TRPS1: variants seen among roughly 807,000 people sequenced by gnomAD.
The protein encoded by TRPS1 is zinc finger transcription factor Trps1.
Under a neutral mutation model 101.2 loss-of-function variants are expected in TRPS1, and 6 were observed. That is an observed-to-expected ratio of 0.06 (90% confidence interval 0.03 to 0.12). The LOEUF is 0.12. TRPS1 is among the 10% of genes least tolerant of loss of function. TRPS1 has a pLI of 1.00. For synonymous variants in TRPS1, 578 were observed against 589.8 expected, an observed-to-expected ratio of 0.98 and a Z score of 0.29; for missense variants, 1,363 against 1,567.0, an observed-to-expected ratio of 0.87 and a Z score of 2.20.
chr8:115,468,338 G>C (rs1348505505), intron 5 of TRPS1, among the ~76,000 whole-genome samples: 1 of 152,068 alleles, frequency 6.6e-6, no homozygotes, highest in Non-Finnish European at 1.5e-5. Flanking sequence ...ATTTTAAGAG[G>C]GAGAAATGCT....
At chr8:115,497,810 T>A (rs950744049) in intron 5 of TRPS1, among the ~76,000 whole-genome samples, 1 of 152,170 alleles carries the variant, frequency 6.6e-6, no homozygotes, top group Non-Finnish European at 1.5e-5. Context: ...ATTGTTCATA[T>A]GCCTGGGTTT....
At chr8:115,514,992 C>T (rs1815675792) in intron 5 of TRPS1, among the ~76,000 whole-genome samples, 1 of 151,462 alleles carries the variant, frequency 6.6e-6, no homozygotes, top group African/African-American at 2.4e-5. Context: ...CAACCTAAGA[C>T]TAGAAAGGAA....
chr8:115,608,270 A>G (rs1290909906), intron 3 of TRPS1, among the ~76,000 whole-genome samples: 1 of 152,208 alleles, frequency 6.6e-6, no homozygotes, highest in African/African-American at 2.4e-5. Context: ...TGGTAAAGAC[A>G]TCCAAATTTT....
At chr8:115,524,146 T>C (rs1040862208) in intron 5 of TRPS1, among the ~76,000 whole-genome samples, 1 of 152,034 alleles carries the variant, frequency 6.6e-6, no homozygotes, top group African/African-American at 2.4e-5. Flanking sequence ...GTGTTTTACT[T>C]CCCCATCTAG....
intron 5 of TRPS1, among the ~76,000 whole-genome samples, chr8:115,579,649 T>C (rs553454830): frequency 1.3e-5 from 2 of 152,232 alleles, no homozygotes; most frequent in Non-Finnish European, 2.9e-5. Flanking sequence ...ATAAAGTGTA[T>C]TTTGCCTTTA....
intron 5 of TRPS1, among the ~76,000 whole-genome samples, chr8:115,533,149 A>T (rs1816175940): frequency 6.6e-6 from 1 of 152,158 alleles, no homozygotes; most frequent in African/African-American, 2.4e-5. Context: ...AATATGAGAG[A>T]GTAAATTCTA....
At chr8:115,624,436 C>A (rs1818461834) in intron 1 of TRPS1, among the ~76,000 whole-genome samples, 1 of 151,812 alleles carries the variant, frequency 6.6e-6, no homozygotes, top group Admixed American at 6.6e-5. Flanking sequence ...AGTGAGCAGG[C>A]CTACATTACA....
chr8:115,614,877 C>A (rs1818243534), intron 3 of TRPS1, among the ~76,000 whole-genome samples: 1 of 151,616 alleles, frequency 6.6e-6, no homozygotes, highest in Admixed American at 6.6e-5. Context: ...TTTTTTCAAA[C>A]CAAACTGTAA....
At position 115,414,188 on chromosome 8, in the gene TRPS1, T is replaced by C; in HGVS notation, c.3720A>G (p.Glu1240=). 6.2e-7 allele frequency: 1 copy of C among 1,614,068 alleles called. No homozygotes were observed. Among genetic ancestry groups the C allele is most frequent in the Middle Eastern group, 1.6e-4 (1 of 6,062 alleles). ...CVHCGIVFLD[E]VMYALHMSCH... ...AACTCATATGCAAAGCATACATCAC[T>C]TCATCCAGAAAGACAATGCCACAGT... is the stretch of plus-strand genomic sequence containing the variant. Residue 1240 remains glutamate, a synonymous_variant, in exon 7 of 7, where the codon GAA becomes GAG. Transcript: ENST00000395715. This position sits in a 1 kb window ranked among gnomAD's most constrained non-coding sequence, Gnocchi z 4.8.
chr8:115,513,052 A>G (rs1030755636), intron 5 of TRPS1, among the ~76,000 whole-genome samples: 2 of 151,800 alleles, frequency 1.3e-5, no homozygotes, highest in Admixed American at 6.6e-5. Context: ...CTGTTACAAA[A>G]ATATTTTCAA....
intron 3 of TRPS1, among the ~76,000 whole-genome samples, chr8:115,609,023 T>A (rs1439435811): frequency 6.6e-6 from 1 of 152,026 alleles, no homozygotes; most frequent in Admixed American, 6.6e-5. Flanking sequence ...ATTTTTGTAT[T>A]TTTTGTGGAA....
chr8:115,554,906 AG>A (rs1043946967), intron 5 of TRPS1, among the ~76,000 whole-genome samples: 1 of 152,080 alleles, frequency 6.6e-6, no homozygotes, highest in African/African-American at 2.4e-5. Context: ...AGAAGGACAA[AG>A]GGAAGAACAG....
chr8:115,483,405 C>T (rs530006346), intron 5 of TRPS1, among the ~76,000 whole-genome samples: 1 of 151,868 alleles, frequency 6.6e-6, no homozygotes, highest in Admixed American at 6.6e-5. Context: ...TGGTGGCATG[C>T]ACCTGTGTTC....
intron 5 of TRPS1, among the ~76,000 whole-genome samples, chr8:115,507,395 T>C (rs1815472527): frequency 1.3e-5 from 2 of 152,128 alleles, no homozygotes; most frequent in Admixed American, 6.6e-5. Context: ...CTGCCAATTC[T>C]GGTTGTCTAA....
chr8:115,474,153 A>T (rs577199155), intron 5 of TRPS1, among the ~76,000 whole-genome samples: 1 of 152,296 alleles, frequency 6.6e-6, no homozygotes, highest in South Asian at 2.1e-4. Flanking sequence ...AATGCAGGGA[A>T]TTTAGAGTCA....
In TRPS1 at chr8:115,411,953, G is replaced by A. The variant is rs1812799964; in HGVS notation, c.*2070C>T. On this transcript the variant is annotated 3_prime_UTR_variant, in exon 7 of 7. Coordinates refer to ENST00000395715, the MANE Select transcript of TRPS1 (RefSeq NM_014112.5). ...AACGAAGACCCGGCACTGTGAAAAA[G>A]AAACAAAACCCAAACAAAACAATGA... 1 of 152,166 alleles carries A rather than the reference G, an allele frequency of 6.6e-6. No homozygotes were observed. Among genetic ancestry groups the A allele is most frequent in the African/African-American group, 2.4e-5 (1 of 41,406 alleles). 9.4% of individuals were successfully genotyped at this position (152,166 alleles called of 1,614,324 possible).
At position 115,628,423 on chromosome 8, in the gene TRPS1, G is replaced by A. The variant is rs977895061; in HGVS notation, c.-121-4665C>T. Among the ~76,000 whole-genome samples, 9 of 151,474 alleles carry A rather than the reference G, an allele frequency of 5.9e-5. No individual in the cohort carries two copies. The South Asian group carries it at 1.0e-3, about 17-fold the overall frequency. ...CCTAATTAGCATCATTTTTCCCTCT[G>A]ACAAAAACAAATTACACACACACAC... is the stretch of plus-strand genomic sequence containing the variant. On this transcript the variant is annotated intron_variant, in intron 1 of 6. Transcript: ENST00000395715.
At chr8:115,511,951 A>G (rs1815596561) in intron 5 of TRPS1, among the ~76,000 whole-genome samples, 1 of 151,830 alleles carries the variant, frequency 6.6e-6, no homozygotes, top group Admixed American at 6.6e-5. Context: ...CCAATGTAAC[A>G]TATCTAACAT....
intron 5 of TRPS1, among the ~76,000 whole-genome samples, chr8:115,531,132 G>A (rs1198013802): frequency 1.3e-5 from 2 of 151,936 alleles, no homozygotes; most frequent in Non-Finnish European, 2.9e-5. Context: ...AGAACAAAGA[G>A]GTCTCTAAAG....
Sources: allele counts gnomAD v4.1 joint callset (sites outside exome capture counted in the v4.1 genomes callset), GRCh38; gene constraint gnomAD v4.1.1; non-coding constraint Gnocchi (gnomAD v3.1); transcripts MANE v1.5; gene names NCBI Gene and HGNC (gene_info 2026-07-23, HGNC 2026-07-21).